FMN2: variants seen among roughly 807,000 people sequenced by gnomAD.
FMN2 encodes formin-2.
A neutral mutation model predicts 142.3 loss-of-function variants in FMN2; 51 were observed. The ratio of observed to expected loss-of-function variants is 0.36; its 90% CI spans 0.29 to 0.45. FMN2 has a LOEUF of 0.45. Among genes scored for constraint, FMN2 ranks in the 20% least tolerant of loss-of-function variants. The probability of loss-of-function intolerance (pLI) is 1.00; values close to 1 mark genes in which losing one functional copy is unlikely to be tolerated. For synonymous variants in FMN2, 882 were observed against 869.8 expected (o/e 1.01, Z -0.25); for missense variants, 1,936 against 2,122.8 (o/e 0.91, Z 1.73).
intron 1 of FMN2, among the ~76,000 whole-genome samples, chr1:240,096,674 AG>A: frequency 6.6e-6 from 1 of 152,344 alleles, no homozygotes; most frequent in African/African-American, 2.4e-5. Flanking sequence ...TATATCTATA[AG>A]CTTCCATAAG....
intron 2 of FMN2, among the ~76,000 whole-genome samples, chr1:240,155,322 A>T (rs2103280506): frequency 6.6e-6 from 1 of 152,292 alleles, no homozygotes; most frequent in Middle Eastern, 3.4e-3. Context: ...TCTGCTGCCC[A>T]GGCTGGAGTA....
At chr1:240,126,312 C>T (rs920246184) in intron 2 of FMN2, among the ~76,000 whole-genome samples, 5 of 152,008 alleles carry the variant, frequency 3.3e-5, no homozygotes, top group African/African-American at 4.8e-5. Context: ...AGTTGCCCTT[C>T]GAGACAGAAC....
intron 15 of FMN2, among the ~76,000 whole-genome samples, chr1:240,428,731 T>G (rs1195054291): frequency 6.6e-6 from 1 of 152,228 alleles, no homozygotes; most frequent in East Asian, 1.9e-4. Flanking sequence ...CCTTACATAC[T>G]TACCAGCTTT....
chr1:240,313,047 T>C (rs1410560451), intron 8 of FMN2, among the ~76,000 whole-genome samples: 1 of 152,234 alleles, frequency 6.6e-6, no homozygotes, highest in Non-Finnish European at 1.5e-5. Flanking sequence ...AATACAGAAA[T>C]TAATCCCTTG....
intron 7 of FMN2, among the ~76,000 whole-genome samples, chr1:240,264,067 G>A (rs1463264173): frequency 1.3e-5 from 2 of 152,104 alleles, no homozygotes; most frequent in African/African-American, 4.8e-5. Flanking sequence ...TTTAATTTCT[G>A]AGCCTAATGA....
At chr1:240,177,863 GC>G (rs1344986447) in intron 2 of FMN2, 57 bp from the exon 3 acceptor site, 38 of 1,432,670 alleles carry the variant, frequency 2.7e-5, no homozygotes, top group Admixed American at 7.7e-5. Flanking sequence ...ATTAGTCATG[GC>G]TTATTTTTTT....
intron 13 of FMN2, among the ~76,000 whole-genome samples, chr1:240,354,400 T>A (rs1240601777): frequency 1.3e-5 from 2 of 152,094 alleles, no homozygotes; most frequent in Non-Finnish European, 2.9e-5. Flanking sequence ...GCACCACCAA[T>A]GAAGGGAGAA....
intron 7 of FMN2, among the ~76,000 whole-genome samples, chr1:240,265,358 T>C (rs576710074): frequency 6.6e-6 from 1 of 152,300 alleles, no homozygotes; most frequent in African/African-American, 2.4e-5. Flanking sequence ...AATACACTTA[T>C]ATGCCACATA....
At chr1:240,196,122 AT>A (rs1385886003) in intron 4 of FMN2, among the ~76,000 whole-genome samples, 86 of 152,354 alleles carry the variant, frequency 5.6e-4, no homozygotes, top group African/African-American at 2.0e-3. Flanking sequence ...TATGAGCCTA[AT>A]AGAGGATTTA....
At chr1:240,307,204 AT>A (rs905882089) in intron 8 of FMN2, among the ~76,000 whole-genome samples, 2 of 151,566 alleles carry the variant, frequency 1.3e-5, no homozygotes, top group African/African-American at 4.9e-5. Context: ...TTATCTGTTT[AT>A]TCTTGTCAAG....
At chr1:240,176,994 T>C (rs570456921) in intron 2 of FMN2, among the ~76,000 whole-genome samples, 2 of 152,366 alleles carry the variant, frequency 1.3e-5, no homozygotes, top group South Asian at 4.1e-4. Context: ...TCATTTACTT[T>C]GTAGTCTCGA....
chr1:240,258,760 G>T (rs969192834), intron 7 of FMN2, among the ~76,000 whole-genome samples: 3 of 152,138 alleles, frequency 2.0e-5, no homozygotes, highest in African/African-American at 7.2e-5. Flanking sequence ...GAGAGATACT[G>T]CCCAAAGGTG....
At chr1:240,294,058 A>G (rs1235182972) in intron 7 of FMN2, among the ~76,000 whole-genome samples, 2 of 152,182 alleles carry the variant, frequency 1.3e-5, no homozygotes, top group Non-Finnish European at 1.5e-5. Flanking sequence ...CACAAATTCT[A>G]TCAAGGCAAA....
intron 13 of FMN2, among the ~76,000 whole-genome samples, chr1:240,348,982 G>A (rs1002796181): frequency 1.3e-5 from 2 of 152,202 alleles, no homozygotes; most frequent in African/African-American, 4.8e-5. Context: ...GGCAATGACT[G>A]ATTTGATGGT....
chr1:240,110,847 G>A (rs571700021), intron 1 of FMN2, among the ~76,000 whole-genome samples: 1 of 152,140 alleles, frequency 6.6e-6, no homozygotes, highest in South Asian at 2.1e-4. Context: ...AGGAATTCTA[G>A]CAAGCAGTGT....
At chr1:240,233,783 G>T (rs187008959) in intron 6 of FMN2, among the ~76,000 whole-genome samples, 12 of 152,112 alleles carry the variant, frequency 7.9e-5, no homozygotes, top group Non-Finnish European at 1.0e-4. Flanking sequence ...TTCTGTATGC[G>T]CATAAAAAGA....
At chr1:240,288,654 A>G (rs1347824620) in intron 7 of FMN2, among the ~76,000 whole-genome samples, 1 of 152,056 alleles carries the variant, frequency 6.6e-6, no homozygotes, top group African/African-American at 2.4e-5. Context: ...TGAATAGAAT[A>G]GAACAGAACA....
chr1:240,102,431 A>G (rs1183280400), intron 1 of FMN2, among the ~76,000 whole-genome samples: 3 of 152,200 alleles, frequency 2.0e-5, no homozygotes, highest in African/African-American at 7.2e-5. Context: ...CAATAGGGAT[A>G]ATCTTTGAAA....
intron 7 of FMN2, among the ~76,000 whole-genome samples, chr1:240,269,806 A>G (rs1012739897): frequency 6.6e-5 from 10 of 151,866 alleles, no homozygotes; most frequent in African/African-American, 2.4e-4. Flanking sequence ...GCTATTATAA[A>G]TGGAACTGTT....
Sources: allele counts gnomAD v4.1 joint callset (sites outside exome capture counted in the v4.1 genomes callset), GRCh38; gene constraint gnomAD v4.1.1; transcripts MANE v1.5; gene names NCBI Gene and HGNC (gene_info 2026-07-23, HGNC 2026-07-21).